The following YLPM1 variants were observed in gnomAD, a reference collection of about 807,000 sequenced individuals.
YLPM1 encodes the protein YLP motif-containing protein 1.
A neutral mutation model predicts 230.0 loss-of-function variants in YLPM1; 99 were observed. That is an observed-to-expected ratio of 0.43 (90% CI 0.37 to 0.51). The LOEUF is 0.51. Among genes scored for constraint, YLPM1 ranks in the 20% least tolerant of loss-of-function variants. The probability of loss-of-function intolerance (pLI) is 0.00; values close to 1 mark genes in which losing one functional copy is unlikely to be tolerated. For synonymous variants in YLPM1, 984 were observed against 942.5 expected (o/e 1.04, Z -0.81); for missense variants, 2,592 against 2,707.7 (o/e 0.96, Z 0.95).
At chr14:74,829,634 G>T (rs2140145676) in intron 19 of YLPM1, among the ~76,000 whole-genome samples, 1 of 152,240 alleles carries the variant, frequency 6.6e-6, no homozygotes, top group Admixed American at 6.5e-5. Context: ...AAAAAGCCAG[G>T]TACAGAGTAG....
chr14:74,816,701 C>T lies in YLPM1; in HGVS notation c.5685+11C>T. ...AAAGTGAAAAAGAAGGTATGGTATTCATCTCAGATCTCGTTCTGATTCATT... is the reference window on the plus strand; with the variant it reads ...AAAGTGAAAAAGAAGGTATGGTATTTATCTCAGATCTCGTTCTGATTCATT... On this transcript the variant is annotated intron_variant, in intron 13 of 20. Coordinates refer to ENST00000325680, the MANE Select transcript of YLPM1 (RefSeq NM_019589.3). 2.5e-6 allele frequency: 4 copies of T among 1,603,988 alleles called. No individual in the cohort carries two copies. Among genetic ancestry groups the T allele is most frequent in the Non-Finnish European group, 3.4e-6 (4 of 1,175,868 alleles).
chr14:74,773,164 T>G (rs1594808969), intron 1 of YLPM1, among the ~76,000 whole-genome samples: 1 of 152,190 alleles, frequency 6.6e-6, no homozygotes, highest in East Asian at 1.9e-4. Flanking sequence ...GGCGGGCGCC[T>G]GTAGTCCCAA....
rs374457118 is a variant in YLPM1 at position 74,790,703 on chromosome 14, G to A, written c.2283-6877G>A. 3.1e-4 allele frequency among the ~76,000 whole-genome samples: 47 copies of A among 151,910 alleles called. 1 individual carries two copies. Among genetic ancestry groups the A allele is most frequent in the South Asian group, 1.7e-3 (8 of 4,804 alleles). On this transcript the variant is annotated intron_variant, in intron 4 of 20. Transcript: ENST00000325680. ...TATCTTACCAAGGTACAATGCATGC[G>A]TTTTTATGTGATTGTATTTAGTGAA...
intron 1 of YLPM1, among the ~76,000 whole-genome samples, chr14:74,773,156 C>T (rs1263755008): frequency 3.9e-5 from 6 of 152,278 alleles, no homozygotes; most frequent in East Asian, 3.9e-4. Flanking sequence ...GGCGTGGTGG[C>T]GGGCGCCTGT....
chr14:74,836,895 T>C lies in YLPM1; in HGVS notation c.*1157T>C, dbSNP rs1006057598. Reference sequence around the variant, plus strand: ...ACACAGAAAAGGGACTCTTCCCTTTTTCATCCTGCAAAGAAAAAAGTCATC... The same window carrying C: ...ACACAGAAAAGGGACTCTTCCCTTTCTCATCCTGCAAAGAAAAAAGTCATC... On this transcript the variant is annotated 3_prime_UTR_variant, in exon 21 of 21. Transcript: ENST00000325680. 1 of 152,526 alleles carries C rather than the reference T, an allele frequency of 6.6e-6. No homozygotes were observed. Among genetic ancestry groups the C allele is most frequent in the African/African-American group, 2.4e-5 (1 of 41,440 alleles). 9.4% of individuals were successfully genotyped at this position (152,526 alleles called of 1,614,324 possible). A position where few individuals can be genotyped will look rare whatever the true frequency, so the allele number is the denominator to read the frequency against.
Position 74,778,670 on chromosome 14 carries a change from C to G in YLPM1, c.1097C>G (p.Pro366Arg). Residue 366 changes from proline to arginine, a missense_variant, in exon 2 of 21, where the codon CCT becomes CGT. Physicochemically the swap from Pro to Arg is moderately radical, Grantham distance 103 (BLOSUM62 -2). This residue lies in a region of YLPM1 where 1,862 missense variants were observed against 1,819.8 expected (regional missense o/e 1.02). Transcript: ENST00000325680. Reference protein sequence around the residue: ...PNEEVPPPLPPEEPQSEDPEE... With the variant: ...PNEEVPPPLPREEPQSEDPEE... ...GAGGAAGTGCCACCTCCTCTCCCACCTGAGGAACCCCAGGTAACCATATAA... is the reference window on the plus strand; with the variant it reads ...GAGGAAGTGCCACCTCCTCTCCCACGTGAGGAACCCCAGGTAACCATATAA... The G allele has an allele frequency of 6.4e-7, 1 of 1,568,880 alleles. No homozygotes were observed. Among genetic ancestry groups the G allele is most frequent in the South Asian group, 1.2e-5 (1 of 84,938 alleles).
rs1036345996 is a variant in YLPM1, at chr14:74,763,730, C to A, written c.241C>A (p.Leu81Ile). The stretch of plus-strand genomic sequence containing the variant: ...GCAGTGCGTGCTTCAGCCCCACCAC[C>A]TTCCTCCGCCCCCTCTGCCGCCCCC... ...QMQCVLQPHHLPPPPLPPPPV... is the reference protein window; with the variant it reads ...QMQCVLQPHHIPPPPLPPPPV... Residue 81 changes from leucine (L) to isoleucine (I), a missense_variant, in exon 1 of 21, where the codon CTT becomes ATT. Leu to Ile is a conservative substitution (Grantham distance 5). Transcript: ENST00000325680. 2.6e-6 allele frequency: 4 copies of A among 1,518,538 alleles called. No homozygotes were observed. In the African/African-American group the frequency reaches 4.2e-5, roughly 16 times the overall value. The allele number at this position is 1,518,538 out of a possible 1,614,324, so 94.1% of individuals were successfully genotyped here. A position where few individuals can be genotyped will look rare whatever the true frequency, so the allele number is the denominator to read the frequency against.
chr14:74,824,775 A>G (rs1027436828), intron 18 of YLPM1, among the ~76,000 whole-genome samples: 10 of 152,114 alleles, frequency 6.6e-5, no homozygotes, highest in African/African-American at 2.2e-4. Context: ...GAGTAGATAT[A>G]TAATTCAGGT....
intron 16 of YLPM1, among the ~76,000 whole-genome samples, chr14:74,819,273 C>CTTTT (rs199554037): frequency 4.2e-5 from 5 of 119,774 alleles, no homozygotes; most frequent in Non-Finnish European, 7.1e-5. Flanking sequence ...TGTCATTGTG[C>CTTTT]TTTTTTTTTT....
At chr14:74,771,486 A>G (rs1431762823) in intron 1 of YLPM1, among the ~76,000 whole-genome samples, 5 of 152,226 alleles carry the variant, frequency 3.3e-5, no homozygotes, top group African/African-American at 4.8e-5. Flanking sequence ...ATTACTTTTA[A>G]TGGCAAAACC....
chr14:74,780,171 G>T (rs2091079086), intron 2 of YLPM1, among the ~76,000 whole-genome samples: 1 of 152,232 alleles, frequency 6.6e-6, no homozygotes, highest in African/African-American at 2.4e-5. Context: ...TTCCAGTGAA[G>T]ACTATGGAAT....
Position 74,798,635 on chromosome 14 carries a change from C to T in YLPM1, c.3338C>T (p.Pro1113Leu), listed in dbSNP as rs776220012. The change falls in exon 5 of 21, where the codon CCA becomes CTA. Residue 1113 changes from proline (P) to leucine (L), a missense_variant. Transcript: ENST00000325680. ...RGAAGSRERG[P>L]PRRAGSQERG... is the part of the protein sequence containing the mutation. ...GCAGCTGGCAGCCGAGAAAGGGGAC[C>T]ACCTCGGAGGGCTGGCAGTCAGGAG... 9.3e-6 allele frequency: 15 copies of T among 1,611,674 alleles called. No homozygotes were observed. The highest frequency in any genetic ancestry group is 1.3e-5 in the Non-Finnish European group (15 of 1,178,594).
chr14:74,826,883 C>A (rs997983216), intron 18 of YLPM1, among the ~76,000 whole-genome samples: 5 of 152,204 alleles, frequency 3.3e-5, no homozygotes, highest in Admixed American at 2.0e-4. Context: ...ATTTTAGTTT[C>A]TCATACTGTG....
chr14:74,778,580 T>A lies in YLPM1; in HGVS notation c.1007T>A (p.Val336Glu). ...TPEPVKEEVT[V>E]PATSQVPESP... ...GAGCCGGTAAAAGAAGAAGTTACAG[T>A]ACCTGCCACCAGTCAAGTTCCAGAA... Residue 336 changes from valine (V) to glutamate (E), a missense_variant, in exon 2 of 21, where the codon GTA becomes GAA. Physicochemically the swap from Val to Glu is moderately radical, Grantham distance 121 (BLOSUM62 -2). Around this residue, in one of 4 missense-constraint regions of YLPM1, gnomAD observed 1,862 missense variants for 1,819.8 expected, o/e 1.02. Transcript: ENST00000325680. 1 of 1,603,734 alleles carries A rather than the reference T, an allele frequency of 6.2e-7. No individual in the cohort carries two copies. The highest frequency in any genetic ancestry group is 8.5e-7 in the Non-Finnish European group (1 of 1,175,292).
chr14:74,835,276 A>G lies in YLPM1; in HGVS notation c.6306A>G (p.Ala2102=). The change falls in exon 20 of 21, where the codon GCA becomes GCG. Residue 2102 remains alanine (A), a synonymous_variant. Coordinates refer to ENST00000325680, the MANE Select transcript of YLPM1 (RefSeq NM_019589.3). ...SEPGKKRVRW[A]DLEEKKDADR... ...TATGTTCTTTTTAGGTCAGATGGGC[A>G]GACCTGGAAGAGAAGAAGGATGCAG... The G allele has an allele frequency of 1.2e-6, 2 of 1,613,684 alleles. No individual in the cohort carries two copies. Among genetic ancestry groups the G allele is most frequent in the Middle Eastern group, 3.3e-4 (2 of 6,054 alleles).
intron 5 of YLPM1, among the ~76,000 whole-genome samples, chr14:74,800,464 C>T (rs941605528): frequency 3.9e-5 from 6 of 152,210 alleles, no homozygotes; most frequent in African/African-American, 1.4e-4. Context: ...CTTAAACCAG[C>T]TGTATCTTGG....
At chr14:74,816,131 GT>G (rs1400160343) in intron 11 of YLPM1, 71 bp from the exon 12 acceptor site, 4 of 1,402,220 alleles carry the variant, frequency 2.9e-6, no homozygotes, top group Non-Finnish European at 3.9e-6. Flanking sequence ...GTAGGTCATT[GT>G]TAACTGTTAT....
intron 9 of YLPM1, 40 bp from the exon 10 acceptor site, chr14:74,811,580 A>T (rs376156527): frequency 1.3e-6 from 2 of 1,506,276 alleles, no homozygotes; most frequent in Admixed American, 3.8e-5. Context: ...AACCCCAAAT[A>T]TTTTTTATTT....
Position 74,798,733 on chromosome 14 carries a change from C to T in YLPM1, c.3436C>T (p.Pro1146Ser). 1 of 1,612,552 alleles carries T rather than the reference C, an allele frequency of 6.2e-7. No homozygotes were observed. The highest frequency in any genetic ancestry group is 1.1e-5 in the South Asian group (1 of 90,938). ...PRRAGSRERG[P>S]PRGPGSRERG... ...AAGAGCTGGGAGCAGGGAGAGAGGACCACCTCGAGGGCCTGGCAGTCGAGA... is the reference window on the plus strand; with the variant it reads ...AAGAGCTGGGAGCAGGGAGAGAGGATCACCTCGAGGGCCTGGCAGTCGAGA... Residue 1146 changes from proline to serine, a missense_variant, in exon 5 of 21, where the codon CCA (proline) becomes TCA (serine). By Grantham distance (74) the Pro-to-Ser change is moderately conservative (BLOSUM62 -1). Transcript: ENST00000325680.
Sources: allele counts gnomAD v4.1 joint callset (sites outside exome capture counted in the v4.1 genomes callset), GRCh38; gene constraint gnomAD v4.1.1; regional missense constraint gnomAD v4.1.1; transcripts MANE v1.5; gene names NCBI Gene and HGNC (gene_info 2026-07-23, HGNC 2026-07-21).